The following CLVS1 variants were observed in gnomAD, a reference collection of about 807,000 sequenced individuals.
The protein encoded by CLVS1 is clavesin-1.
CLVS1 carries 10 observed loss-of-function variants against 33.1 expected under a neutral mutation model. The observed-to-expected ratio is 0.30, with a 90% confidence interval of 0.19 to 0.51. The LOEUF is 0.51. Ranked by LOEUF, CLVS1 falls within the 20% of genes least tolerant of loss-of-function variation. The pLI is 0.97. For synonymous variants in CLVS1, 163 were observed against 166.1 expected, an observed-to-expected ratio of 0.98 and a Z score of 0.14; for missense variants, 343 against 433.4, an observed-to-expected ratio of 0.79 and a Z score of 1.85.
At chr8:61,128,625 C>T (rs560952309) in intron 1 of CLVS1, among the ~76,000 whole-genome samples, 445 of 152,382 alleles carry the variant, frequency 2.9e-3, no homozygotes, top group Non-Finnish European at 4.3e-3. Context: ...TGTGCTCTTT[C>T]ATCCTACCCT....
At chr8:61,485,661 C>T (rs1301470164) in intron 5 of CLVS1, among the ~76,000 whole-genome samples, 1 of 152,218 alleles carries the variant, frequency 6.6e-6, no homozygotes, top group East Asian at 1.9e-4. Context: ...TTTATTGCAG[C>T]ACTATTCACA....
intron 2 of CLVS1, among the ~76,000 whole-genome samples, chr8:61,244,007 A>C (rs768110184): frequency 6.6e-6 from 1 of 152,170 alleles, no homozygotes; most frequent in Non-Finnish European, 1.5e-5. Context: ...TGTATCCCCA[A>C]ATCAATACTT....
At chr8:61,321,968 A>C (rs939514204) in intron 2 of CLVS1, among the ~76,000 whole-genome samples, 5 of 152,052 alleles carry the variant, frequency 3.3e-5, no homozygotes, top group African/African-American at 1.2e-4. Context: ...TACATCTATC[A>C]GTTTCTAAAA....
At chr8:61,178,099 AT>A (rs1807153350) in intron 2 of CLVS1, among the ~76,000 whole-genome samples, 1 of 152,224 alleles carries the variant, frequency 6.6e-6, no homozygotes, top group Non-Finnish European at 1.5e-5. Context: ...AAGAACCTTG[AT>A]AAAAGGTTAC....
At chr8:61,034,408 T>C in the CLVS1 span, among the ~76,000 whole-genome samples, 94,415 of 151,818 alleles carry the variant, frequency 0.62, 29,583 homozygotes, top group Middle Eastern at 0.73. Context: ...ATTTACTGTT[T>C]TAACTATTTT....
chr8:60,994,449 A>G, the CLVS1 span, among the ~76,000 whole-genome samples: 67 of 152,342 alleles, frequency 4.4e-4, no homozygotes, highest in South Asian at 1.7e-3. Context: ...AACAGCAGTT[A>G]AAAATATTGA....
At chr8:61,096,553 A>G (rs2129285563) in intron 1 of CLVS1, among the ~76,000 whole-genome samples, 1 of 152,356 alleles carries the variant, frequency 6.6e-6, no homozygotes, top group Non-Finnish European at 1.5e-5. Context: ...TAGGATGTAA[A>G]TATTTAAAGC....
chr8:61,250,802 A>G (rs1470596774), intron 2 of CLVS1, among the ~76,000 whole-genome samples: 1 of 152,162 alleles, frequency 6.6e-6, no homozygotes, highest in Non-Finnish European at 1.5e-5. Flanking sequence ...TTATCAGCTT[A>G]AGGAGATTTA....
chr8:61,220,861 G>A (rs868269924), intron 2 of CLVS1, among the ~76,000 whole-genome samples: 1 of 152,038 alleles, frequency 6.6e-6, no homozygotes, highest in Non-Finnish European at 1.5e-5. Flanking sequence ...AGTTCTCCTT[G>A]AAGAAGTTAT....
intron 5 of CLVS1, among the ~76,000 whole-genome samples, chr8:61,476,783 C>T (rs1490200670): frequency 6.6e-6 from 1 of 152,152 alleles, no homozygotes; most frequent in Non-Finnish European, 1.5e-5. Context: ...ATTGAATACC[C>T]TTTATTTTCT....
chr8:61,288,392 A>T (rs898914898), intron 1 of CLVS1, among the ~76,000 whole-genome samples: 1 of 152,160 alleles, frequency 6.6e-6, no homozygotes, highest in East Asian at 1.9e-4. Context: ...CACCGTCATC[A>T]TAGCCACCAT....
At chr8:61,429,692 G>C (rs1459333893) in intron 3 of CLVS1, among the ~76,000 whole-genome samples, 1 of 152,134 alleles carries the variant, frequency 6.6e-6, no homozygotes, top group Non-Finnish European at 1.5e-5. Flanking sequence ...ATTTCTGAAA[G>C]ATCATAGCTA....
chr8:61,233,365 CAG>C, intron 2 of CLVS1, among the ~76,000 whole-genome samples: 1 of 152,108 alleles, frequency 6.6e-6, no homozygotes, highest in Non-Finnish European at 1.5e-5. Flanking sequence ...GAGGTACAAA[CAG>C]GGAATGGATT....
intron 1 of CLVS1, among the ~76,000 whole-genome samples, chr8:61,062,686 A>C (rs540983893): frequency 5.9e-5 from 9 of 152,366 alleles, no homozygotes; most frequent in African/African-American, 2.2e-4. Context: ...AAAGTTGTGA[A>C]GTCTCTAGAA....
chr8:61,409,241 T>C (rs1484659934), intron 3 of CLVS1, among the ~76,000 whole-genome samples: 5 of 152,370 alleles, frequency 3.3e-5, no homozygotes, highest in South Asian at 4.1e-4. Context: ...AAAATGTTTC[T>C]ACTTCATTTC....
At chr8:61,214,278 C>A (rs1447529617) in intron 2 of CLVS1, among the ~76,000 whole-genome samples, 3 of 152,152 alleles carry the variant, frequency 2.0e-5, no homozygotes, top group Admixed American at 6.5e-5. Context: ...GTGACCCACA[C>A]CTATTCACAC....
intron 2 of CLVS1, among the ~76,000 whole-genome samples, chr8:61,150,127 T>TGTGTGTGTGTGTGA (rs1187865702): frequency 6.6e-6 from 1 of 151,836 alleles, no homozygotes; most frequent in Admixed American, 6.6e-5. Context: ...TGTGTGTGTG[T>TGTGTGTGTGTGTGA]GACTCTCCTG....
intron 1 of CLVS1, among the ~76,000 whole-genome samples, chr8:61,113,381 G>A (rs1326303603): frequency 2.0e-5 from 3 of 152,202 alleles, no homozygotes; most frequent in African/African-American, 7.2e-5. Flanking sequence ...GAGTGGTGCA[G>A]ATGGGTCCAA....
At position 61,297,537 on chromosome 8, in the gene CLVS1, G is replaced by A. The variant is rs555373971; in HGVS notation, c.-151-2140G>A. 1.6e-4 allele frequency among the ~76,000 whole-genome samples: 24 copies of A among 152,238 alleles called. 1 individual carries two copies. Among genetic ancestry groups the A allele is most frequent in the African/African-American group, 5.1e-4 (21 of 41,562 alleles). ...ATGTCATTCACTAAAAGACAAAGAC[G>A]GAGGAGCAAATTCAGGATAAGGAAC... On this transcript the variant is annotated intron_variant, in intron 1 of 5. Coordinates refer to ENST00000325897, the MANE Select transcript of CLVS1 (RefSeq NM_173519.3).
Sources: gnomAD v4.1 joint callset for allele counts (sites outside exome capture counted in the v4.1 genomes callset) on GRCh38, gnomAD v4.1.1 for gene constraint, MANE v1.5 for transcripts, NCBI Gene and HGNC (gene_info 2026-07-23, HGNC 2026-07-21) for gene names.